The following KDM6B variants were observed in gnomAD, a reference collection of about 807,000 sequenced individuals.
KDM6B encodes lysine demethylase 6B.
A neutral mutation model predicts 150.4 loss-of-function variants in KDM6B; 22 were observed. The observed-to-expected ratio is 0.15, with a 90% confidence interval of 0.10 to 0.21. The LOEUF (loss-of-function observed/expected upper bound fraction) is 0.21, where lower values mean the gene tolerates loss of function less well. Ranked by LOEUF, KDM6B falls within the 10% of genes least tolerant of loss-of-function variation. The pLI, the probability that KDM6B is intolerant of heterozygous loss-of-function variation, is 1.00. For synonymous variants in KDM6B, 1,148 were observed against 921.1 expected (o/e 1.25, Z -4.46); for missense variants, 1,984 against 2,234.3 (o/e 0.89, Z 2.26).
In KDM6B at chr17:7,846,618, G is replaced by A. The variant is rs776891326; in HGVS notation, c.589G>A (p.Val197Met). 1 of 1,614,096 alleles carries A rather than the reference G, an allele frequency of 6.2e-7. No homozygotes were observed. Among genetic ancestry groups the A allele is most frequent in the Non-Finnish European group, 8.5e-7 (1 of 1,180,004 alleles). The stretch of plus-strand genomic sequence containing the variant: ...TGGAGCCAAGCGGGGAGGTCCCCCG[G>A]TGAAGCGAGCTGCTGAACCCCCAGT... ...NYGAKRGGPP[V>M]KRAAEPPVVQ... Residue 197 changes from valine to methionine, a missense_variant, in exon 9 of 24, where the codon GTG (valine) becomes ATG (methionine). By Grantham distance (21) the Val-to-Met change is conservative (BLOSUM62 1). This residue lies in a region of KDM6B where 337 missense variants were observed against 323.9 expected (regional missense o/e 1.04). Coordinates refer to ENST00000448097, the MANE Select transcript of KDM6B (RefSeq NM_001348716.2).
intron 21 of KDM6B, 83 bp downstream of exon 21, chr17:7,852,719 T>A: frequency 6.4e-7 from 1 of 1,573,366 alleles, no homozygotes; most frequent in Non-Finnish European, 8.7e-7. Flanking sequence ...ACCCCATTTT[T>A]ACCTCTCTCC....
At chr17:7,840,329 C>G (rs567026282) in intron 2 of KDM6B, 1 of 152,304 alleles carries the variant, frequency 6.6e-6, no homozygotes, top group East Asian at 1.9e-4. Context: ...AGTTTGCAAG[C>G]TGAAAAGTGG....
At chr17:7,835,752 C>G (rs1007249448) in intron 1 of KDM6B, among the ~76,000 whole-genome samples, 2 of 151,910 alleles carry the variant, frequency 1.3e-5, no homozygotes, top group Non-Finnish European at 2.9e-5. Flanking sequence ...CGCCCACCCC[C>G]CGCCCTGCGC....
intron 1 of KDM6B, among the ~76,000 whole-genome samples, chr17:7,839,435 G>A (rs2078382358): frequency 6.6e-6 from 1 of 152,096 alleles, no homozygotes; most frequent in Non-Finnish European, 1.5e-5. Context: ...GCCAAGACCT[G>A]CCTGCACCCG....
rs1567802737 is a variant in KDM6B at position 7,851,941 on chromosome 17, AC to A, written c.4166-6del. 6.2e-7 allele frequency: 1 copy of A among 1,612,822 alleles called. No homozygotes were observed. The highest frequency in any genetic ancestry group is 2.2e-5 in the East Asian group (1 of 44,866). ...TGGCCAGCCATGCCGTTCTCTGTCGACCCCTGCAGGCCACCAGGAGAATAAC... is the reference window on the plus strand; with the variant it reads ...TGGCCAGCCATGCCGTTCTCTGTCGACCCTGCAGGCCACCAGGAGAATAAC... On this transcript the variant is annotated splice_polypyrimidine_tract_variant and intron_variant, in intron 18 of 23. Transcript: ENST00000448097.
rs1415645334 is a variant in KDM6B, at chr17:7,854,213, GC to G, written c.*695del. 1.3e-5 allele frequency: 2 copies of G among 152,330 alleles called. No homozygotes were observed. Among genetic ancestry groups the G allele is most frequent in the Non-Finnish European group, 2.9e-5 (2 of 68,002 alleles). 9.4% of individuals were successfully genotyped at this position (152,330 alleles called of 1,614,324 possible). On this transcript the variant is annotated 3_prime_UTR_variant, in exon 24 of 24. Transcript: ENST00000448097. Reference sequence around the variant, plus strand: ...TCCCCGCGCCCCAGTGTGTGTCCGGGCCCGGCCCGACCGTCTCCACCCGTCC... The same window carrying G: ...TCCCCGCGCCCCAGTGTGTGTCCGGGCCGGCCCGACCGTCTCCACCCGTCC...
Position 7,850,054 on chromosome 17 carries a change from C to G in KDM6B, c.3568-18C>G, listed in dbSNP as rs754549971. On this transcript the variant is annotated intron_variant, in intron 13 of 23. Transcript: ENST00000448097. ...CTGGGCCAGGGCTCTGACCCCAGCT[C>G]TCCTGGTCATGTCTCAGCTGGAGAG... The G allele has an allele frequency of 1.9e-6, 3 of 1,613,568 alleles. No homozygotes were observed. Among genetic ancestry groups the G allele is most frequent in the East Asian group, 2.2e-5 (1 of 44,888 alleles).
chr17:7,845,279 G>A, intron 3 of KDM6B, 35 bp from the exon 4 acceptor site: 1 of 577,476 alleles, frequency 1.7e-6, no homozygotes, highest in South Asian at 2.0e-5. Context: ...ACTGTGTGCT[G>A]GCCAGCTCGT....
At chr17:7,842,792 G>A (rs1167345902) in intron 2 of KDM6B, among the ~76,000 whole-genome samples, 1 of 151,896 alleles carries the variant, frequency 6.6e-6, no homozygotes, top group South Asian at 2.1e-4. Context: ...AGTGGGAAGA[G>A]GGGAAGGTTT....
intron 12 of KDM6B, 22 bp downstream of exon 12, chr17:7,849,750 T>A: frequency 2.5e-6 from 4 of 1,612,676 alleles, no homozygotes; most frequent in Non-Finnish European, 2.5e-6. Context: ...GCCTGCTTGC[T>A]TGTCCCGGAG....
Position 7,854,753 on chromosome 17 carries a change from T to G in KDM6B, c.*1232T>G. On this transcript the variant is annotated 3_prime_UTR_variant, in exon 24 of 24. Transcript: ENST00000448097. The stretch of plus-strand genomic sequence containing the variant: ...AACCCTACCCCTATTTTCGGTGATT[T>G]TTGTGTGAGAATATTAATATTAAAA... 2.2e-5 allele frequency: 6 copies of G among 278,550 alleles called. No individual in the cohort carries two copies. Among genetic ancestry groups the G allele is most frequent in the East Asian group, 8.3e-5 (1 of 12,086 alleles). 17.3% of individuals were successfully genotyped at this position (278,550 alleles called of 1,614,324 possible). A position where few individuals can be genotyped will look rare whatever the true frequency, so the allele number is the denominator to read the frequency against.
chr17:7,835,240 A>C (rs1429306443), intron 1 of KDM6B, among the ~76,000 whole-genome samples: 1 of 151,490 alleles, frequency 6.6e-6, no homozygotes, highest in African/African-American at 2.4e-5. Context: ...AATAGTGGGG[A>C]GGGGGGCACG....
rs1555591478 is a variant in KDM6B, at chr17:7,848,590, G to A, written c.2302G>A (p.Glu768Lys). 16 of 1,602,004 alleles carry A rather than the reference G, an allele frequency of 1.0e-5. No individual in the cohort carries two copies. The highest frequency in any genetic ancestry group is 2.1e-4 in the Middle Eastern group (1 of 4,680). Residue 768 changes from glutamate to lysine, a missense_variant, in exon 12 of 24, where the codon GAG (glutamate) becomes AAG (lysine). Glu to Lys is a moderately conservative substitution (Grantham distance 56, BLOSUM62 1). Around this residue, in one of 13 missense-constraint regions of KDM6B, gnomAD observed 1,379 missense variants for 1,275.6 expected, o/e 1.08. Coordinates refer to ENST00000448097, the MANE Select transcript of KDM6B (RefSeq NM_001348716.2). ...TTTTTATQEE[E>K]KKPPPALPPP... Reference sequence around the variant, plus strand: ...CACCACCACGGCCACCCAGGAAGAGGAGAAGAAGCCACCACCAGCCCTACC... The same window carrying A: ...CACCACCACGGCCACCCAGGAAGAGAAGAAGAAGCCACCACCAGCCCTACC...
Position 7,852,552 on chromosome 17 carries a change from A to G in KDM6B, c.4526A>G (p.Lys1509Arg). ...RYEWNEVKNV[K>R]SIVPMIHVSW... ...GAGTGGAATGAGGTGAAGAACGTCAAATCCATCGTGCCCATGATTCACGTG... is the reference window on the plus strand; with the variant it reads ...GAGTGGAATGAGGTGAAGAACGTCAGATCCATCGTGCCCATGATTCACGTG... Residue 1509 changes from lysine to arginine, a missense_variant, in exon 21 of 24, where the codon AAA becomes AGA. This residue lies in a region of KDM6B where 41 missense variants were observed against 158.8 expected (regional missense o/e 0.26). Coordinates refer to ENST00000448097, the MANE Select transcript of KDM6B (RefSeq NM_001348716.2). The G allele has an allele frequency of 6.2e-7, 1 of 1,614,178 alleles. No individual in the cohort carries two copies. The highest frequency in any genetic ancestry group is 8.5e-7 in the Non-Finnish European group (1 of 1,180,044).
Position 7,852,411 on chromosome 17 carries a change from G to T in KDM6B, c.4468+75G>T, listed in dbSNP as rs568754630. 146 of 1,289,032 alleles carry T rather than the reference G, an allele frequency of 1.1e-4. 2 individuals carry two copies. In the East Asian group the frequency reaches 3.6e-3, roughly 32 times the overall value. 79.8% of individuals were successfully genotyped at this position (1,289,032 alleles called of 1,614,324 possible). ...GGCCTGGGAGGCTGGGGCTTGGAGA[G>T]CCGCCAGCAGTGAGGGAAGGGGCTT... On this transcript the variant is annotated intron_variant, in intron 20 of 23. Coordinates refer to ENST00000448097, the MANE Select transcript of KDM6B (RefSeq NM_001348716.2).
At chr17:7,846,371 G>GGGCCCGGCC in intron 7 of KDM6B, 29 bp from the exon 8 acceptor site, 1 of 1,488,922 alleles carries the variant, frequency 6.7e-7, no homozygotes, top group Non-Finnish European at 9.2e-7. Context: ...CCTGACATCT[G>GGGCCCGGCC]CCCCTGCCCC....
chr17:7,836,513 C>T (rs1471472480), intron 1 of KDM6B, among the ~76,000 whole-genome samples: 1 of 152,180 alleles, frequency 6.6e-6, no homozygotes, highest in Non-Finnish European at 1.5e-5. Flanking sequence ...AGACGGAGCC[C>T]CGCGGGACCC....
Position 7,845,353 on chromosome 17 carries a change from G to C in KDM6B, c.-109G>C. The C allele has an allele frequency of 1.5e-6, 1 of 673,444 alleles. No homozygotes were observed. Among genetic ancestry groups the C allele is most frequent in the Admixed American group, 2.3e-5 (1 of 44,252 alleles). The allele number at this position is 673,444 out of a possible 1,614,324, so 41.7% of individuals were successfully genotyped here. On this transcript the variant is annotated 5_prime_UTR_variant, in exon 4 of 24. Coordinates refer to ENST00000448097, the MANE Select transcript of KDM6B (RefSeq NM_001348716.2). ...GGACTGAGGCAGCCATCTGGGGGTA[G>C]CGGGCACTCTTATCAGAGCGGCTGG... is the stretch of plus-strand genomic sequence containing the variant.
chr17:7,851,457 C>T (rs922668873), intron 16 of KDM6B, 21 bp from the exon 17 acceptor site: 2 of 1,614,216 alleles, frequency 1.2e-6, no homozygotes, highest in South Asian at 1.1e-5. Flanking sequence ...CTCCACCAAC[C>T]TGTGCTCTTC....
Sources: allele counts gnomAD v4.1 joint callset (sites outside exome capture counted in the v4.1 genomes callset), GRCh38; gene constraint gnomAD v4.1.1; regional missense constraint gnomAD v4.1.1; transcripts MANE v1.5; gene names NCBI Gene and HGNC (gene_info 2026-07-23, HGNC 2026-07-21).